PARP8: variants seen among roughly 807,000 people sequenced by gnomAD.
PARP8 encodes poly(ADP-ribose) polymerase family member 8.
Under a neutral mutation model 124.1 loss-of-function variants are expected in PARP8, and 51 were observed. The ratio of observed to expected loss-of-function variants is 0.41; its 90% CI spans 0.33 to 0.52. PARP8 has a LOEUF of 0.52. Ranked by LOEUF, PARP8 falls within the 20% of genes least tolerant of loss-of-function variation. PARP8 has a pLI of 0.21. For missense variants in PARP8, 860 were observed against 1,018.9 expected (o/e 0.84, Z 2.12); for synonymous variants, 391 against 361.5 (o/e 1.08, Z -0.93).
chr5:50,810,264 A>G (rs1337813586), intron 14 of PARP8, among the ~76,000 whole-genome samples: 4 of 152,000 alleles, frequency 2.6e-5, no homozygotes, highest in Non-Finnish European at 5.9e-5. Context: ...TATTAAGAAT[A>G]GGTAGTATTT....
intron 15 of PARP8, among the ~76,000 whole-genome samples, chr5:50,817,816 G>C (rs1023648829): frequency 9.2e-5 from 14 of 152,080 alleles, no homozygotes; most frequent in Non-Finnish European, 1.3e-4. Context: ...AATGACTAAA[G>C]ACTAATGACC....
At chr5:50,836,599 G>C (rs1204970027) in intron 25 of PARP8, among the ~76,000 whole-genome samples, 1 of 152,136 alleles carries the variant, frequency 6.6e-6, no homozygotes, top group Non-Finnish European at 1.5e-5. Flanking sequence ...GTCCTTACAG[G>C]TCAGGCTCCT....
chr5:50,811,345 A>C lies in PARP8; in HGVS notation c.1576-4087A>C, dbSNP rs559904281. ...GAAAAAGGCTTTATAATAAGCACTG[A>C]AATTTTGCTTGTTTGTTATTCGTGA... On this transcript the variant is annotated intron_variant, in intron 14 of 25. Transcript: ENST00000281631. 2.0e-5 allele frequency among the ~76,000 whole-genome samples: 3 copies of C among 152,148 alleles called. No individual in the cohort carries two copies. In the East Asian group the frequency reaches 5.8e-4, roughly 29 times the overall value.
chr5:50,770,725 G>A (rs1197971799), intron 7 of PARP8, among the ~76,000 whole-genome samples: 1 of 85,358 alleles, frequency 1.2e-5, no homozygotes, highest in African/African-American at 9.7e-5. Flanking sequence ...GAAAGAAAAC[G>A]AAGGAAAGAA....
At chr5:50,775,808 A>C (rs745429027) in intron 7 of PARP8, among the ~76,000 whole-genome samples, 1 of 152,044 alleles carries the variant, frequency 6.6e-6, no homozygotes, top group Non-Finnish European at 1.5e-5. Flanking sequence ...GAGCCTTTAG[A>C]GTTTTTTATA....
intron 14 of PARP8, among the ~76,000 whole-genome samples, chr5:50,803,535 T>G (rs1236478332): frequency 1.3e-5 from 2 of 152,124 alleles, no homozygotes; most frequent in Non-Finnish European, 2.9e-5. Context: ...TTATTCTTCC[T>G]CTTCCTTAGA....
intron 2 of PARP8, among the ~76,000 whole-genome samples, chr5:50,713,780 G>T (rs182028495): frequency 2.8e-4 from 43 of 152,130 alleles, no homozygotes; most frequent in African/African-American, 9.4e-4. Flanking sequence ...AGAGGCAGGC[G>T]AGTCAGAGAA....
At chr5:50,770,194 A>T (rs1761462584) in intron 7 of PARP8, among the ~76,000 whole-genome samples, 1 of 151,998 alleles carries the variant, frequency 6.6e-6, no homozygotes, top group Non-Finnish European at 1.5e-5. Context: ...TTATTATTCT[A>T]TATCTATTTT....
chr5:50,805,557 G>A (rs1165180826), intron 14 of PARP8, among the ~76,000 whole-genome samples: 3 of 152,054 alleles, frequency 2.0e-5, no homozygotes, highest in Non-Finnish European at 4.4e-5. Flanking sequence ...TATTTGATAA[G>A]TAGAAGGCAC....
At chr5:50,672,596 A>G (rs1750153567) in intron 2 of PARP8, among the ~76,000 whole-genome samples, 1 of 152,192 alleles carries the variant, frequency 6.6e-6, no homozygotes, top group Non-Finnish European at 1.5e-5. Context: ...CAGATAATGC[A>G]ATATTTAAGA....
At chr5:50,833,955 GT>G (rs1175714023) in intron 23 of PARP8, 23 bp from the exon 24 acceptor site, 19 of 1,599,258 alleles carry the variant, frequency 1.2e-5, no homozygotes, top group Non-Finnish European at 1.5e-5. Flanking sequence ...CTGACTCTAA[GT>G]TTTAATTGTT....
intron 2 of PARP8, among the ~76,000 whole-genome samples, chr5:50,715,165 A>G (rs1356501821): frequency 6.6e-6 from 1 of 152,058 alleles, no homozygotes; most frequent in Non-Finnish European, 1.5e-5. Flanking sequence ...GACTGCTGCA[A>G]ACAGTAACGT....
intron 24 of PARP8, among the ~76,000 whole-genome samples, chr5:50,834,563 T>C (rs879022334): frequency 6.6e-6 from 1 of 152,204 alleles, no homozygotes; most frequent in South Asian, 2.1e-4. Flanking sequence ...CATTTTTTCT[T>C]CTTGTGTTAG....
chr5:50,719,382 T>C (rs1755648596), intron 2 of PARP8, among the ~76,000 whole-genome samples: 1 of 152,090 alleles, frequency 6.6e-6, no homozygotes, highest in African/African-American at 2.4e-5. Context: ...TTTGATGTCT[T>C]ACTTAAGAAA....
intron 2 of PARP8, among the ~76,000 whole-genome samples, chr5:50,695,441 C>T (rs948127351): frequency 2.6e-5 from 4 of 152,148 alleles, no homozygotes; most frequent in African/African-American, 9.7e-5. Flanking sequence ...TGGAGTCTGA[C>T]CAGCTTAGCT....
At position 50,829,834 on chromosome 5, in the gene PARP8, A is replaced by G. The variant is rs1207380035; in HGVS notation, c.2164-58A>G. 10 of 1,478,538 alleles carry G rather than the reference A, an allele frequency of 6.8e-6. No homozygotes were observed. The East Asian group carries it at 2.1e-4, about 31-fold the overall frequency. 91.6% of individuals were successfully genotyped at this position (1,478,538 alleles called of 1,614,324 possible). A position where few individuals can be genotyped will look rare whatever the true frequency, so the allele number is the denominator to read the frequency against. On this transcript the variant is annotated intron_variant, in intron 21 of 25. Coordinates refer to ENST00000281631, the MANE Select transcript of PARP8 (RefSeq NM_024615.4). ...GACATGAAACTGATTGCTTTGTCAA[A>G]TATTATCATTTAAACCATGAACAGA... is the stretch of plus-strand genomic sequence containing the variant.
intron 3 of PARP8, among the ~76,000 whole-genome samples, chr5:50,753,256 C>T (rs75520318): frequency 0.083 from 12,584 of 151,930 alleles, 673 homozygotes; most frequent in Non-Finnish European, 0.13. Flanking sequence ...GGCTTACCTA[C>T]TGTTGGGAGT....
chr5:50,779,243 G>A (rs2149612000), intron 9 of PARP8, among the ~76,000 whole-genome samples: 1 of 151,384 alleles, frequency 6.6e-6, no homozygotes, highest in Admixed American at 6.6e-5. Context: ...ACACACAATT[G>A]TATCTACTTA....
At chr5:50,699,091 TA>T (rs1423417284) in intron 2 of PARP8, among the ~76,000 whole-genome samples, 1 of 152,194 alleles carries the variant, frequency 6.6e-6, no homozygotes, top group Non-Finnish European at 1.5e-5. Context: ...TGGAAAAGGT[TA>T]AAACCTGTCC....
Sources: allele counts gnomAD v4.1 joint callset (sites outside exome capture counted in the v4.1 genomes callset), GRCh38; gene constraint gnomAD v4.1.1; transcripts MANE v1.5; gene names NCBI Gene and HGNC (gene_info 2026-07-23, HGNC 2026-07-21).